The following PRKG1 variants were observed in gnomAD, a reference collection of about 807,000 sequenced individuals.
PRKG1 encodes the protein cGMP-dependent protein kinase 1.
A neutral mutation model predicts 88.1 loss-of-function variants in PRKG1; 35 were observed. The ratio of observed to expected loss-of-function variants is 0.40; its 90% CI spans 0.30 to 0.53. The LOEUF (loss-of-function observed/expected upper bound fraction) is 0.53. Ranked by LOEUF, PRKG1 falls within the 20% of genes least tolerant of loss-of-function variation. The pLI is 0.59. For missense variants in PRKG1, 540 were observed against 839.8 expected, an observed-to-expected ratio of 0.64 and a Z score of 4.41; for synonymous variants, 303 against 292.5, an observed-to-expected ratio of 1.04 and a Z score of -0.37.
At chr10:51,345,629 T>C (rs1476627734) in intron 2 of PRKG1, among the ~76,000 whole-genome samples, 1 of 152,222 alleles carries the variant, frequency 6.6e-6, no homozygotes, top group African/African-American at 2.4e-5. Context: ...TAATCTCATT[T>C]GGAACAAGCA....
chr10:51,642,549 A>C (rs1839826301), intron 3 of PRKG1, among the ~76,000 whole-genome samples: 1 of 152,302 alleles, frequency 6.6e-6, no homozygotes. Flanking sequence ...TAGATAACTC[A>C]AGTTTTCAAG....
chr10:52,119,937 GAGAGACAGAGATAGACAGAC>G (rs1847776990), intron 7 of PRKG1, among the ~76,000 whole-genome samples: 2 of 122,130 alleles, frequency 1.6e-5, no homozygotes, highest in Middle Eastern at 4.3e-3. Context: ...GAGCGAGACA[GAGAGACAGAGATAGACAGAC>G]AGAGACAGAG....
At chr10:51,237,475 G>A (rs1839028106) in intron 2 of PRKG1, among the ~76,000 whole-genome samples, 1 of 152,126 alleles carries the variant, frequency 6.6e-6, no homozygotes, top group African/African-American at 2.4e-5. Context: ...ATCCCTTAAT[G>A]TTGGAACAGA....
At chr10:51,704,270 T>C (rs1200505658) in intron 3 of PRKG1, among the ~76,000 whole-genome samples, 1 of 151,922 alleles carries the variant, frequency 6.6e-6, no homozygotes, top group Non-Finnish European at 1.5e-5. Flanking sequence ...GATAGATAGA[T>C]AGATATTTTG....
chr10:51,934,870 T>C (rs979898317), intron 5 of PRKG1, among the ~76,000 whole-genome samples: 1 of 152,192 alleles, frequency 6.6e-6, no homozygotes, highest in Non-Finnish European at 1.5e-5. Flanking sequence ...AACCATTCTT[T>C]ACTCATGGAT....
intron 3 of PRKG1, among the ~76,000 whole-genome samples, chr10:51,701,122 T>C (rs896326211): frequency 2.0e-5 from 3 of 152,228 alleles, no homozygotes; most frequent in Non-Finnish European, 2.9e-5. Flanking sequence ...GTTAATGTTA[T>C]TCATTTCATT....
intron 5 of PRKG1, among the ~76,000 whole-genome samples, chr10:51,981,959 T>C (rs1437128576): frequency 2.0e-5 from 3 of 152,188 alleles, no homozygotes; most frequent in Admixed American, 1.3e-4. Context: ...CAGTGAGTTG[T>C]GGATTTGGTC....
At chr10:51,924,243 C>G (rs746157094) in intron 5 of PRKG1, among the ~76,000 whole-genome samples, 1 of 152,098 alleles carries the variant, frequency 6.6e-6, no homozygotes, top group African/African-American at 2.4e-5. Flanking sequence ...AACAAATTCC[C>G]TCAATATTTA....
At chr10:51,796,912 T>C (rs1236148705) in intron 3 of PRKG1, among the ~76,000 whole-genome samples, 4 of 152,044 alleles carry the variant, frequency 2.6e-5, no homozygotes, top group Non-Finnish European at 1.5e-5. Flanking sequence ...AGCCTGTTGG[T>C]TCTGTTTCTC....
intron 3 of PRKG1, among the ~76,000 whole-genome samples, chr10:51,713,830 A>G (rs1390423023): frequency 6.6e-6 from 1 of 152,230 alleles, no homozygotes; most frequent in Non-Finnish European, 1.5e-5. Flanking sequence ...CAGACAGGGC[A>G]GCAATATAAT....
At chr10:51,886,982 A>AATT (rs35558829) in intron 4 of PRKG1, among the ~76,000 whole-genome samples, 62,901 of 151,618 alleles carry the variant, frequency 0.41, 13,351 homozygotes, top group East Asian at 0.62. Context: ...AATGTATGCC[A>AATT]ATTATTATGA....
intron 4 of PRKG1, among the ~76,000 whole-genome samples, chr10:51,866,180 A>T (rs1054683693): frequency 2.6e-5 from 4 of 152,074 alleles, no homozygotes; most frequent in Non-Finnish European, 5.9e-5. Flanking sequence ...CATTCTAAAT[A>T]TAAAAATTTG....
chr10:51,724,075 G>A (rs893671558), intron 3 of PRKG1, among the ~76,000 whole-genome samples: 13 of 152,152 alleles, frequency 8.5e-5, no homozygotes, highest in Non-Finnish European at 1.3e-4. Context: ...AGGTGGGGAA[G>A]ATCTGCCCTC....
intron 5 of PRKG1, among the ~76,000 whole-genome samples, chr10:52,011,507 C>A (rs1844878405): frequency 6.6e-6 from 1 of 152,242 alleles, no homozygotes; most frequent in African/African-American, 2.4e-5. Flanking sequence ...GCCTCAAGAC[C>A]ACATTTATTT....
intron 2 of PRKG1, among the ~76,000 whole-genome samples, chr10:51,176,698 A>G (rs1012422903): frequency 3.9e-5 from 6 of 152,152 alleles, no homozygotes; most frequent in Admixed American, 1.3e-4. Flanking sequence ...ATCTAGAATG[A>G]CTAGTGTCAT....
At chr10:52,036,272 G>A (rs56203685) in intron 5 of PRKG1, among the ~76,000 whole-genome samples, 21,266 of 151,758 alleles carry the variant, frequency 0.14, 1,882 homozygotes, top group Non-Finnish European at 0.2. Flanking sequence ...AGAATAATAG[G>A]TTATAGAGGC....
Position 51,078,656 on chromosome 10 carries a change from G to A in PRKG1, c.311+3755G>A, listed in dbSNP as rs7913657. 2.3e-3 allele frequency among the ~76,000 whole-genome samples: 335 copies of A among 148,228 alleles called. 2 individuals are homozygous for A. The highest frequency in any genetic ancestry group is 7.8e-3 in the African/African-American group (314 of 40,100). On this transcript the variant is annotated intron_variant, in intron 1 of 17. Transcript: ENST00000373980. ...TATTGAGACGGAGTCTCGCTCTATC[G>A]CCCAGGCTGGAGTGCAGTGGTGCCA...
At chr10:51,892,726 G>A (rs918597804) in intron 4 of PRKG1, among the ~76,000 whole-genome samples, 15 of 152,302 alleles carry the variant, frequency 9.8e-5, no homozygotes, top group African/African-American at 3.4e-4. Flanking sequence ...GATGATAAAC[G>A]TTCTGCAGTA....
At chr10:51,821,193 T>A (rs1189070954) in intron 4 of PRKG1, among the ~76,000 whole-genome samples, 1 of 152,180 alleles carries the variant, frequency 6.6e-6, no homozygotes, top group Non-Finnish European at 1.5e-5. Flanking sequence ...AGTTTATTCT[T>A]GCTTTGTAAC....
Sources: gnomAD v4.1 joint callset for allele counts (sites outside exome capture counted in the v4.1 genomes callset) on GRCh38, gnomAD v4.1.1 for gene constraint, MANE v1.5 for transcripts, NCBI Gene and HGNC (gene_info 2026-07-23, HGNC 2026-07-21) for gene names.